BACH2: variants seen among roughly 807,000 people sequenced by gnomAD.
BACH2 encodes BACH transcriptional regulator 2, also known as transcription regulator protein BACH2.
BACH2 carries 5 observed loss-of-function variants against 61.8 expected under a neutral mutation model. The observed-to-expected ratio is 0.08, with a 90% confidence interval of 0.04 to 0.17. The LOEUF (loss-of-function observed/expected upper bound fraction) is 0.17. BACH2 is among the 10% of genes least tolerant of loss of function. BACH2 has a pLI of 1.00. For synonymous variants in BACH2, 446 were observed against 440.1 expected (o/e 1.01, Z -0.17); for missense variants, 824 against 1,091.1 (o/e 0.76, Z 3.45).
intron 4 of BACH2, among the ~76,000 whole-genome samples, chr6:90,100,674 CCTCTCT>C (rs1220865219): frequency 6.0e-5 from 9 of 150,564 alleles, no homozygotes; most frequent in Non-Finnish European, 1.0e-4. Flanking sequence ...CTGTCCCTTT[CCTCTCT>C]CTCTCTACAC....
At chr6:90,041,021 ATTAGT>A (rs1252787047) in intron 5 of BACH2, among the ~76,000 whole-genome samples, 2 of 152,186 alleles carry the variant, frequency 1.3e-5, no homozygotes, top group Admixed American at 1.3e-4. Flanking sequence ...AATAACAAAC[ATTAGT>A]TTAACCTCGT....
intron 5 of BACH2, among the ~76,000 whole-genome samples, chr6:90,031,492 C>T (rs562276185): frequency 1.3e-5 from 2 of 152,222 alleles, no homozygotes; most frequent in Non-Finnish European, 2.9e-5. Flanking sequence ...AGCTGATAGG[C>T]AACTTCAGCA....
At chr6:90,190,277 C>T (rs570938646) in intron 4 of BACH2, among the ~76,000 whole-genome samples, 1 of 152,288 alleles carries the variant, frequency 6.6e-6, no homozygotes, top group Admixed American at 6.5e-5. Flanking sequence ...ACATTCCAAG[C>T]GTCTGAGATT....
At chr6:90,135,933 C>T (rs1331231249) in intron 4 of BACH2, among the ~76,000 whole-genome samples, 1 of 152,240 alleles carries the variant, frequency 6.6e-6, no homozygotes, top group African/African-American at 2.4e-5. Context: ...ACCTCCACTG[C>T]TGTTTCTCAA....
chr6:90,275,541 T>C (rs1771662400), intron 1 of BACH2, among the ~76,000 whole-genome samples: 1 of 152,190 alleles, frequency 6.6e-6, no homozygotes, highest in African/African-American at 2.4e-5. Context: ...ATGTGCAGAT[T>C]TGTGATATGG....
chr6:90,210,351 GCA>G (rs1769303875), intron 3 of BACH2, among the ~76,000 whole-genome samples: 2 of 120,602 alleles, frequency 1.7e-5, no homozygotes, highest in Non-Finnish European at 3.5e-5. Context: ...ACACACACAC[GCA>G]CATGCACACA....
intron 5 of BACH2, among the ~76,000 whole-genome samples, chr6:90,014,468 ATTTTTTTTTT>A (rs1164045089): frequency 5.0e-4 from 16 of 32,296 alleles, no homozygotes; most frequent in African/African-American, 3.1e-3. Context: ...ATATATATAT[ATTTTTTTTTT>A]TTTTTTTTTT....
chr6:90,216,435 T>C lies in BACH2; in HGVS notation c.-274-9754A>G, dbSNP rs368165590. 3.3e-4 allele frequency among the ~76,000 whole-genome samples: 50 copies of C among 152,276 alleles called. No homozygotes were observed. The East Asian group carries it at 5.6e-3, about 17-fold the overall frequency. ...CTCAGGTGACTGAGGGGAAGTTCCC[T>C]TTCTGCTAATGTCGACTTCCCTCGG... On this transcript the variant is annotated intron_variant, in intron 3 of 8. Transcript: ENST00000257749.
intron 5 of BACH2, among the ~76,000 whole-genome samples, chr6:90,027,055 A>G (rs2127786645): frequency 6.6e-6 from 1 of 152,210 alleles, no homozygotes. Flanking sequence ...CCTGAAACCC[A>G]CTCCTGTTTT....
chr6:90,256,475 A>G (rs1038716500), intron 2 of BACH2, among the ~76,000 whole-genome samples: 4 of 152,332 alleles, frequency 2.6e-5, no homozygotes, highest in Non-Finnish European at 5.9e-5. Flanking sequence ...AGAAACTACA[A>G]GATGGAAGGA....
chr6:90,028,165 A>G (rs1192844336), intron 5 of BACH2, among the ~76,000 whole-genome samples: 1 of 152,224 alleles, frequency 6.6e-6, no homozygotes, highest in African/African-American at 2.4e-5. Flanking sequence ...AACAGATCTG[A>G]GACCTCCCTG....
At chr6:90,180,393 C>T (rs1447652804) in intron 4 of BACH2, among the ~76,000 whole-genome samples, 1 of 152,106 alleles carries the variant, frequency 6.6e-6, no homozygotes, top group Non-Finnish European at 1.5e-5. Flanking sequence ...AATGTTATTT[C>T]AATAGCTTTA....
At chr6:89,978,520 G>C (rs909116762) in intron 6 of BACH2, among the ~76,000 whole-genome samples, 1 of 151,460 alleles carries the variant, frequency 6.6e-6, no homozygotes, top group East Asian at 1.9e-4. Context: ...CCTAGAGAGC[G>C]AACTCTGCAG....
At position 89,990,005 on chromosome 6, in the gene BACH2, G is replaced by A. The variant is rs536850678; in HGVS notation, c.243+18597C>T. On this transcript the variant is annotated intron_variant, in intron 6 of 8. Transcript: ENST00000257749. Reference sequence around the variant, plus strand: ...TGTGAAATTTAGTCACATGTCAGAGGGATCACTGGCAAAAAATGTCTGGGA... The same window carrying A: ...TGTGAAATTTAGTCACATGTCAGAGAGATCACTGGCAAAAAATGTCTGGGA... Among the ~76,000 whole-genome samples, 16 of 152,238 alleles carry A rather than the reference G, an allele frequency of 1.1e-4. No individual in the cohort carries two copies. The South Asian group carries it at 3.3e-3, about 32-fold the overall frequency.
At chr6:90,021,754 C>G (rs573715495) in intron 5 of BACH2, among the ~76,000 whole-genome samples, 16 of 152,310 alleles carry the variant, frequency 1.1e-4, no homozygotes, top group African/African-American at 3.8e-4. Flanking sequence ...AAACTTCTTA[C>G]TTTAAGTGAA....
chr6:90,269,770 G>A (rs1771462023), intron 2 of BACH2, among the ~76,000 whole-genome samples: 1 of 152,218 alleles, frequency 6.6e-6, no homozygotes, highest in Non-Finnish European at 1.5e-5. Context: ...GTGTTCATAA[G>A]ATGCTTAGAA....
chr6:90,276,482 C>G (rs1771695357), intron 1 of BACH2, among the ~76,000 whole-genome samples: 1 of 152,146 alleles, frequency 6.6e-6, no homozygotes, highest in Non-Finnish European at 1.5e-5. Context: ...GTTGGCAAAT[C>G]CTAGAACTAC....
chr6:89,951,776 G>C lies in BACH2; in HGVS notation c.330C>G (p.Ile110Met). Residue 110 changes from isoleucine to methionine, a missense_variant, in exon 7 of 9, where the codon ATC becomes ATG. Physicochemically the swap from Ile to Met is conservative, Grantham distance 10. Transcript: ENST00000257749. This position sits in a 1 kb window ranked among gnomAD's most constrained non-coding sequence, Gnocchi z 6.4. The stretch of plus-strand genomic sequence containing the variant: ...GCATGCGCAGGAACTCAGCACAGCG[G>C]ATGACCTCGCGGATGTTTTCTCTGC... ...LLSRENIREV[I>M]RCAEFLRMHN... 6.2e-7 allele frequency: 1 copy of C among 1,614,254 alleles called. No individual in the cohort carries two copies. The highest frequency in any genetic ancestry group is 8.5e-7 in the Non-Finnish European group (1 of 1,180,042).
chr6:89,966,248 T>TA (rs1269114966), intron 6 of BACH2, among the ~76,000 whole-genome samples: 2 of 152,236 alleles, frequency 1.3e-5, no homozygotes, highest in African/African-American at 4.8e-5. Context: ...CTCAAAGCTG[T>TA]ACAGTAAGCT....
Sources: gnomAD v4.1 joint callset for allele counts (sites outside exome capture counted in the v4.1 genomes callset) on GRCh38, gnomAD v4.1.1 for gene constraint, Gnocchi (gnomAD v3.1) non-coding constraint, MANE v1.5 for transcripts, NCBI Gene and HGNC (gene_info 2026-07-23, HGNC 2026-07-21) for gene names.